TRHDE: variants seen among roughly 807,000 people sequenced by gnomAD.
TRHDE encodes thyrotropin releasing hormone degrading enzyme.
A neutral mutation model predicts 125.7 loss-of-function variants in TRHDE; 72 were observed. The observed-to-expected ratio is 0.57, with a 90% CI of 0.47 to 0.70. The LOEUF is 0.70. Among genes scored for constraint, TRHDE ranks in the 30% least tolerant of loss-of-function variants. TRHDE has a pLI of 0.00. For synonymous variants in TRHDE, 509 were observed against 509.1 expected (o/e 1.00, Z 0.00); for missense variants, 1,110 against 1,327.1 (o/e 0.84, Z 2.54).
At chr12:72,604,079 A>G (rs1872327896) in intron 12 of TRHDE, among the ~76,000 whole-genome samples, 1 of 152,188 alleles carries the variant, frequency 6.6e-6, no homozygotes, top group African/African-American at 2.4e-5. Context: ...GTTACAAAAT[A>G]GAAGGTAAAT....
chr12:72,395,806 A>ATTATTTAGC (rs1450780715), intron 3 of TRHDE, among the ~76,000 whole-genome samples: 2 of 152,162 alleles, frequency 1.3e-5, no homozygotes, highest in South Asian at 2.1e-4. Flanking sequence ...CATTTCTGTA[A>ATTATTTAGC]TTATTTAGCT....
Position 72,516,076 on chromosome 12 carries a change from G to A in TRHDE, c.1722+16441G>A, listed in dbSNP as rs779033557. On this transcript the variant is annotated intron_variant, in intron 6 of 18. Transcript: ENST00000261180. ...GTAGTATAGTTTGAAGTCAGGTAGC[G>A]TGATGCCTCCAGCTTTGTTCTTTTG... 3.8e-4 allele frequency among the ~76,000 whole-genome samples: 58 copies of A among 151,934 alleles called. 1 individual carries two copies. Among genetic ancestry groups the A allele is most frequent in the Middle Eastern group, 3.4e-3 (1 of 294 alleles).
chr12:72,118,393 G>A lies in TRHDE; in HGVS notation n.279+12641G>A, dbSNP rs368527691. Among the ~76,000 whole-genome samples the A allele has an allele frequency of 1.1e-4, 17 of 152,182 alleles. No homozygotes were observed. In the East Asian group the frequency reaches 2.5e-3, roughly 22 times the overall value. ...TATGTTGAACCATTCTTGCATCCCA[G>A]GGATAAATCCCACTTGATTATGATG... On this transcript the variant is annotated intron_variant and non_coding_transcript_variant, in intron 2 of 4. Transcript: ENST00000548156.
chr12:72,136,466 C>T (rs188244896), intron 2 of TRHDE, among the ~76,000 whole-genome samples: 129 of 152,318 alleles, frequency 8.5e-4, no homozygotes, highest in Non-Finnish European at 1.6e-3. Context: ...AATGCTTGTA[C>T]TTTCCCATTG....
chr12:72,356,179 A>C (rs1262299855), intron 2 of TRHDE, among the ~76,000 whole-genome samples: 2 of 151,840 alleles, frequency 1.3e-5, no homozygotes, highest in African/African-American at 4.8e-5. Context: ...AGAATGTAGT[A>C]CATACACACT....
chr12:72,405,092 T>C (rs1873211039), intron 3 of TRHDE, among the ~76,000 whole-genome samples: 1 of 152,232 alleles, frequency 6.6e-6, no homozygotes, highest in African/African-American at 2.4e-5. Context: ...TTAATGTGTG[T>C]GCTAAGGACT....
chr12:72,443,761 A>AAGG (rs1220935238), intron 3 of TRHDE, among the ~76,000 whole-genome samples: 1 of 151,776 alleles, frequency 6.6e-6, no homozygotes, highest in Non-Finnish European at 1.5e-5. Context: ...CAAGTAGGTA[A>AAGG]AGGAGCTATT....
Position 72,668,482 on chromosome 12 carries a change from T to G in TRHDE, c.*5287T>G, listed in dbSNP as rs1875174348. ...AATACTTCGTACTTTAGGGATAGTA[T>G]TTTGAAGATGTTTATCTTTTGTACA... On this transcript the variant is annotated 3_prime_UTR_variant, in exon 19 of 19. Coordinates refer to ENST00000261180, the MANE Select transcript of TRHDE (RefSeq NM_013381.3). The G allele has an allele frequency of 6.6e-6, 1 of 151,798 alleles. No individual in the cohort carries two copies. The highest frequency in any genetic ancestry group is 1.5e-5 in the Non-Finnish European group (1 of 67,806). The allele number at this position is 151,798 out of a possible 1,614,324, so 9.4% of individuals were successfully genotyped here.
Position 72,621,200 on chromosome 12 carries a change from ACAT to A in TRHDE, c.2563_2565del (p.His855del), listed in dbSNP as rs1280252976. The A allele has an allele frequency of 6.2e-7, 1 of 1,601,836 alleles. No homozygotes were observed. ...GATCTCTTGTTCAAGCATCCTACCA[ACAT>A]GAGTACTGTTTTATTTTCTTATCCT... On this transcript the variant is annotated inframe_deletion and splice_region_variant, in exon 14 of 19. Transcript: ENST00000261180.
At chr12:72,264,187 T>C (rs1480127598) in intron 2 of TRHDE, 1 of 152,054 alleles carries the variant, frequency 6.6e-6, no homozygotes, top group East Asian at 1.9e-4. Context: ...ATTTCTTGTG[T>C]GTCTCAATTA....
intron 15 of TRHDE, among the ~76,000 whole-genome samples, chr12:72,640,780 C>T (rs1160432919): frequency 6.6e-6 from 1 of 152,156 alleles, no homozygotes; most frequent in Non-Finnish European, 1.5e-5. Context: ...AGGAAGCCTC[C>T]ACCAGAGGTT....
intron 5 of TRHDE, among the ~76,000 whole-genome samples, chr12:72,487,667 G>A (rs909457112): frequency 6.6e-6 from 1 of 152,086 alleles, no homozygotes; most frequent in Non-Finnish European, 1.5e-5. Flanking sequence ...ATTAAAGAAT[G>A]TTAATTACTA....
intron 2 of TRHDE, among the ~76,000 whole-genome samples, chr12:72,336,171 G>A (rs749583843): frequency 9.9e-5 from 15 of 152,022 alleles, no homozygotes; most frequent in Non-Finnish European, 2.2e-4. Context: ...TTCAGAGCCA[G>A]GTTTTATTAT....
At chr12:72,145,863 A>G (rs1247402884) in intron 2 of TRHDE, among the ~76,000 whole-genome samples, 1 of 152,224 alleles carries the variant, frequency 6.6e-6, no homozygotes, top group Middle Eastern at 3.2e-3. Flanking sequence ...CTTAAAAAAC[A>G]TGATAAAACA....
At chr12:72,576,287 G>A (rs527326706) in intron 12 of TRHDE, among the ~76,000 whole-genome samples, 1 of 151,996 alleles carries the variant, frequency 6.6e-6, no homozygotes, top group Non-Finnish European at 1.5e-5. Flanking sequence ...TACTTACCTG[G>A]TTATCATGAT....
chr12:72,092,516 A>AGACC (rs1462407130), intron 1 of TRHDE, among the ~76,000 whole-genome samples: 1 of 152,226 alleles, frequency 6.6e-6, no homozygotes. Context: ...TGTTGTCTCC[A>AGACC]TACGCAGACA....
At chr12:72,155,140 C>G (rs530495089) in intron 2 of TRHDE, among the ~76,000 whole-genome samples, 1 of 152,226 alleles carries the variant, frequency 6.6e-6, no homozygotes, top group South Asian at 2.1e-4. Context: ...TCATTTCATT[C>G]ATTTGATCTT....
intron 15 of TRHDE, among the ~76,000 whole-genome samples, chr12:72,630,960 TTTTC>T (rs971708703): frequency 2.7e-5 from 4 of 150,518 alleles, no homozygotes; most frequent in Admixed American, 6.6e-5. Flanking sequence ...TCCTTCATTT[TTTTC>T]TTTCTAATGA....
At chr12:72,406,306 C>T (rs570844420) in intron 3 of TRHDE, among the ~76,000 whole-genome samples, 3 of 152,184 alleles carry the variant, frequency 2.0e-5, no homozygotes, top group Admixed American at 1.3e-4. Flanking sequence ...GTACTCTATA[C>T]GTCAACAGAT....
Sources: gnomAD v4.1 joint callset for allele counts (sites outside exome capture counted in the v4.1 genomes callset) on GRCh38, gnomAD v4.1.1 for gene constraint, MANE v1.5 for transcripts, NCBI Gene and HGNC (gene_info 2026-07-23, HGNC 2026-07-21) for gene names.